The following SLC39A14 variants were observed in gnomAD, a reference collection of about 807,000 sequenced individuals.
SLC39A14 encodes the protein metal cation symporter ZIP14.
A neutral mutation model predicts 45.5 loss-of-function variants in SLC39A14; 19 were observed. That is an observed-to-expected ratio of 0.42 (90% CI 0.29 to 0.61). The LOEUF is 0.61. Among genes scored for constraint, SLC39A14 ranks in the 20% least tolerant of loss-of-function variants. The pLI, the probability that SLC39A14 is intolerant of heterozygous loss-of-function variation, is 0.22. For synonymous variants in SLC39A14, 264 were observed against 251.3 expected (o/e 1.05, Z -0.48); for missense variants, 447 against 616.5 (o/e 0.73, Z 2.91).
chr8:22,412,152 A>G lies in SLC39A14; in HGVS notation c.573A>G (p.Ile191Met), dbSNP rs755037984. ...ACAAGAGGCTGCTGCTCTACTTCAT[A>G]GCTCTGGCGATTGGAACCCTCTACT... ...TFYKRLLLYF[I>M]ALAIGTLYSN... The change falls in exon 4 of 9, where the codon ATA becomes ATG. Residue 191 changes from isoleucine (I) to methionine (M), a missense_variant. Ile to Met is a conservative substitution (Grantham distance 10). Coordinates refer to ENST00000381237, the MANE Select transcript of SLC39A14 (RefSeq NM_001128431.4). 3.9e-6 allele frequency: 6 copies of G among 1,551,716 alleles called. No individual in the cohort carries two copies. In the South Asian group the frequency reaches 7.1e-5, roughly 18 times the overall value.
downstream of SLC39A14, among the ~76,000 whole-genome samples, chr8:22,425,889 G>A (rs4872491): frequency 2.6e-5 from 2 of 76,318 alleles, 1 homozygote; most frequent in East Asian, 1.7e-3. Context: ...GATGGTTTTT[G>A]TTTTTTTTTT....
At chr8:22,424,182 G>A (rs1836343281), downstream of SLC39A14, among the ~76,000 whole-genome samples, 1 of 152,158 alleles carries the variant, frequency 6.6e-6, no homozygotes, top group Admixed American at 6.5e-5. Flanking sequence ...CTATCACCCT[G>A]TTTTCTCTTA....
At position 22,387,388 on chromosome 8, in the gene SLC39A14, T is replaced by C. The variant is rs367979822; in HGVS notation, c.-15-17308T>C. 3.9e-5 allele frequency among the ~76,000 whole-genome samples: 6 copies of C among 152,228 alleles called. No individual in the cohort carries two copies. In the East Asian group the frequency reaches 9.6e-4, roughly 24 times the overall value. ...GTTGCAAGCTAAAAGCAGAAACGCT[T>C]TGTGGCAATCGATTGCTCCCTGGGG... On this transcript the variant is annotated intron_variant, in intron 1 of 8. Transcript: ENST00000381237.
rs887242515 is a variant in SLC39A14 at position 22,367,296 on chromosome 8, G to C, written c.-128G>C. The C allele has an allele frequency of 6.6e-6, 1 of 151,696 alleles. No homozygotes were observed. The highest frequency in any genetic ancestry group is 2.4e-5 in the African/African-American group (1 of 41,394). 9.4% of individuals were successfully genotyped at this position (151,696 alleles called of 1,614,324 possible). A position where few individuals can be genotyped will look rare whatever the true frequency, so the allele number is the denominator to read the frequency against. On this transcript the variant is annotated 5_prime_UTR_variant, in exon 1 of 9. Transcript: ENST00000381237. The surrounding 1 kb of genome is among the most constrained non-coding windows in gnomAD (Gnocchi z 4.2). The stretch of plus-strand genomic sequence containing the variant: ...TGCCGGGGCCCGGACGCAGTGAGGG[G>C]GGTCGGCGCGCGTGTCTACGCGGAC...
intron 1 of SLC39A14, among the ~76,000 whole-genome samples, chr8:22,381,263 C>T (rs1395715892): frequency 2.0e-5 from 3 of 151,826 alleles, no homozygotes; most frequent in African/African-American, 7.3e-5. Context: ...TGAGCCACCG[C>T]GCCCAGCCCT....
intron 1 of SLC39A14, among the ~76,000 whole-genome samples, chr8:22,385,291 A>G (rs891804628): frequency 1.3e-5 from 2 of 152,154 alleles, no homozygotes; most frequent in Non-Finnish European, 2.9e-5. Context: ...GCAGTGGGAA[A>G]GTAACATGCT....
chr8:22,377,766 G>T (rs1003384261), intron 1 of SLC39A14, among the ~76,000 whole-genome samples: 1 of 152,052 alleles, frequency 6.6e-6, no homozygotes, highest in Admixed American at 6.6e-5. Context: ...GACTCAACTC[G>T]CCTTTGAGAT....
chr8:22,393,812 A>G (rs1468049239), intron 1 of SLC39A14, among the ~76,000 whole-genome samples: 1 of 152,040 alleles, frequency 6.6e-6, no homozygotes, highest in Non-Finnish European at 1.5e-5. Flanking sequence ...AGCGGGGACT[A>G]CAGGCATTCA....
At chr8:22,401,052 A>T in intron 1 of SLC39A14, among the ~76,000 whole-genome samples, 1 of 152,230 alleles carries the variant, frequency 6.6e-6, no homozygotes, top group East Asian at 1.9e-4. Flanking sequence ...CTGAAGGTAG[A>T]GGGAGACTGG....
In SLC39A14 at chr8:22,420,105, A is replaced by C; in HGVS notation, c.*407A>C. The C allele has an allele frequency of 2.0e-6, 2 of 990,426 alleles. No homozygotes were observed. The highest frequency in any genetic ancestry group is 2.4e-6 in the Non-Finnish European group (2 of 833,208). The allele number at this position is 990,426 out of a possible 1,614,324, so 61.4% of individuals were successfully genotyped here. ...GCTAGAAATATCAAGAGTTGAATCC[A>C]TAGTGTGGGGCCCATGACTCTAGCT... On this transcript the variant is annotated 3_prime_UTR_variant, in exon 9 of 9. Coordinates refer to ENST00000381237, the MANE Select transcript of SLC39A14 (RefSeq NM_001128431.4).
At chr8:22,396,702 G>A (rs1000319043) in intron 1 of SLC39A14, among the ~76,000 whole-genome samples, 2 of 146,540 alleles carry the variant, frequency 1.4e-5, no homozygotes, top group Non-Finnish European at 3.1e-5. Context: ...TTTGGTCCAG[G>A]TGCACCGTTT....
At chr8:22,409,320 C>T (rs1240079507) in intron 3 of SLC39A14, among the ~76,000 whole-genome samples, 2 of 152,094 alleles carry the variant, frequency 1.3e-5, no homozygotes, top group African/African-American at 4.8e-5. Flanking sequence ...AATATACTGT[C>T]TGTGTTACTG....
intron 4 of SLC39A14, among the ~76,000 whole-genome samples, chr8:22,412,768 A>AC: frequency 6.6e-6 from 1 of 152,150 alleles, no homozygotes; most frequent in South Asian, 2.1e-4. Flanking sequence ...ACATGGTGAA[A>AC]CCCCGTCTAT....
At chr8:22,430,093 A>G (rs1836444491) in intron 8 of SLC39A14, among the ~76,000 whole-genome samples, 1 of 152,218 alleles carries the variant, frequency 6.6e-6, no homozygotes, top group Non-Finnish European at 1.5e-5. Flanking sequence ...TGGGAGCTCA[A>G]AGTTGACAGG....
At chr8:22,415,053 A>G in intron 5 of SLC39A14, 151 bp downstream of exon 5, 1 of 934,708 alleles carries the variant, frequency 1.1e-6, no homozygotes, top group East Asian at 2.8e-5. Context: ...ATCCCATTTC[A>G]CCTCCTGAGG....
intron 5 of SLC39A14, 124 bp from the exon 6 acceptor site, chr8:22,415,645 T>C (rs1180340724): frequency 1.2e-6 from 1 of 853,908 alleles, no homozygotes; most frequent in Admixed American, 3.1e-5. Flanking sequence ...GTGACCTGCT[T>C]GTGTCATCTT....
At chr8:22,379,696 C>T (rs1319711466) in intron 1 of SLC39A14, among the ~76,000 whole-genome samples, 4 of 152,020 alleles carry the variant, frequency 2.6e-5, no homozygotes, top group South Asian at 2.1e-4. Context: ...TTTGGGAGGC[C>T]GAGGCGGGTG....
intron 7 of SLC39A14, among the ~76,000 whole-genome samples, chr8:22,416,791 G>A (rs1835911906): frequency 6.6e-6 from 1 of 152,046 alleles, no homozygotes; most frequent in Non-Finnish European, 1.5e-5. Context: ...GTTTTTACAG[G>A]GGTGTTTGTT....
chr8:22,408,502 C>T lies in SLC39A14; in HGVS notation c.457+6C>T. 1 of 1,609,490 alleles carries T rather than the reference C, an allele frequency of 6.2e-7. No homozygotes were observed. The highest frequency in any genetic ancestry group is 8.5e-7 in the Non-Finnish European group (1 of 1,177,382). On this transcript the variant is annotated splice_donor_region_variant and intron_variant, in intron 3 of 8. Coordinates refer to ENST00000381237, the MANE Select transcript of SLC39A14 (RefSeq NM_001128431.4). ...GCGGCCAAGCGCTGTTGAAGGTGAG[C>T]CAGGCCAGGAAGGCAGGAGCCCATC...
Sources: gnomAD v4.1 joint callset for allele counts (sites outside exome capture counted in the v4.1 genomes callset) on GRCh38, gnomAD v4.1.1 for gene constraint, Gnocchi (gnomAD v3.1) non-coding constraint, MANE v1.5 for transcripts, NCBI Gene and HGNC (gene_info 2026-07-23, HGNC 2026-07-21) for gene names.